CCDC138: variants seen among roughly 807,000 people sequenced by gnomAD.
CCDC138 encodes coiled-coil domain containing 138, also known as coiled-coil domain-containing protein 138.
CCDC138 carries 66 observed loss-of-function variants against 82.3 expected under a neutral mutation model. That is an observed-to-expected ratio of 0.80 (90% CI 0.66 to 0.98). The LOEUF (loss-of-function observed/expected upper bound fraction) is 0.98, where lower values mean the gene tolerates loss of function less well. Ranked by LOEUF, CCDC138 falls within the 50% of genes least tolerant of loss-of-function variation. The pLI, the probability that CCDC138 is intolerant of heterozygous loss-of-function variation, is 0.00. For synonymous variants in CCDC138, 297 were observed against 265.4 expected (o/e 1.12, Z -1.16); for missense variants, 816 against 758.9 (o/e 1.08, Z -0.88).
intron 2 of CCDC138, 80 bp from the exon 3 acceptor site, chr2:108,788,772 T>C: frequency 1.3e-6 from 2 of 1,547,574 alleles, no homozygotes; most frequent in Non-Finnish European, 1.7e-6. Context: ...AAAATAGTAT[T>C]ATTTAGACTT....
chr2:108,789,979 G>A (rs1679633778), intron 3 of CCDC138, among the ~76,000 whole-genome samples: 1 of 152,160 alleles, frequency 6.6e-6, no homozygotes, highest in Non-Finnish European at 1.5e-5. Context: ...TGAAATAATT[G>A]TGGAGAGAAA....
intron 11 of CCDC138, 162 bp from the exon 12 acceptor site, chr2:108,846,576 C>G (rs1449654743): frequency 6.1e-6 from 1 of 164,808 alleles, no homozygotes; most frequent in Non-Finnish European, 1.2e-5. Flanking sequence ...TCTTGGGAGG[C>G]TGAGGTAGGA....
intron 3 of CCDC138, among the ~76,000 whole-genome samples, chr2:108,789,973 ATAAT>A (rs1038001797): frequency 2.2e-4 from 34 of 152,248 alleles, no homozygotes; most frequent in African/African-American, 8.0e-4. Context: ...AAATGTTGAA[ATAAT>A]TGTGGAGAGA....
intron 11 of CCDC138, among the ~76,000 whole-genome samples, chr2:108,842,421 G>A (rs936883504): frequency 3.9e-5 from 6 of 152,120 alleles, no homozygotes; most frequent in Admixed American, 6.5e-5. Flanking sequence ...AGGAAGCACA[G>A]GCAGGGAGAG....
In CCDC138 at chr2:108,796,311, C is replaced by T. The variant is rs567288707; in HGVS notation, c.576+1590C>T. ...CCTCGTGATCCGCCCGCCTCTGCCT[C>T]CCAAAGTGCTGGGATTACAGGCGTG... On this transcript the variant is annotated intron_variant, in intron 5 of 14. Transcript: ENST00000295124. Among the ~76,000 whole-genome samples, 5 of 152,234 alleles carry T rather than the reference C, an allele frequency of 3.3e-5. No individual in the cohort carries two copies. In the South Asian group the frequency reaches 1.0e-3, roughly 32 times the overall value.
In CCDC138 at chr2:108,794,643, A is replaced by G. The variant is rs180963183; in HGVS notation, c.498A>G (p.Ala166=). The G allele has an allele frequency of 1.8e-4, 296 of 1,614,166 alleles. No homozygotes were observed. The highest frequency in any genetic ancestry group is 1.1e-3 in the Admixed American group (69 of 60,024). Residue 166 remains alanine, a synonymous_variant, in exon 5 of 15, where the codon GCA becomes GCG. Transcript: ENST00000295124. ...CTGTCAGCTGTCCAAAATCTAAAGCATCAGACAAGCGGAGTTTACTTCCAC... is the reference window on the plus strand; with the variant it reads ...CTGTCAGCTGTCCAAAATCTAAAGCGTCAGACAAGCGGAGTTTACTTCCAC... ...LKPVSCPKSK[A]SDKRSLLPHQ...
At chr2:108,881,452 G>A (rs1696289097), downstream of CCDC138, among the ~76,000 whole-genome samples, 1 of 152,160 alleles carries the variant, frequency 6.6e-6, no homozygotes, top group South Asian at 2.1e-4. Flanking sequence ...AGGCTGCTGT[G>A]TTTTCTTATC....
At chr2:108,879,003 T>C (rs1212293694), downstream of CCDC138, among the ~76,000 whole-genome samples, 1 of 148,608 alleles carries the variant, frequency 6.7e-6, no homozygotes, top group Non-Finnish European at 1.5e-5. Context: ...GATAAAGAAG[T>C]TTAAAAATTA....
At chr2:108,833,045 C>T (rs1297026848) in intron 10 of CCDC138, among the ~76,000 whole-genome samples, 1 of 152,180 alleles carries the variant, frequency 6.6e-6, no homozygotes, top group African/African-American at 2.4e-5. Context: ...ATGATTCCAA[C>T]TATAATGACA....
rs1291586687 is a variant in CCDC138 at position 108,786,830 on chromosome 2, C to T, written c.8C>T (p.Pro3Leu). Residue 3 changes from proline (P) to leucine (L), a missense_variant, in exon 1 of 15, where the codon CCG (proline) becomes CTG (leucine). Physicochemically the swap from Pro to Leu is moderately conservative, Grantham distance 98. Coordinates refer to ENST00000295124, the MANE Select transcript of CCDC138 (RefSeq NM_144978.3). The part of the protein sequence containing the change: ME[P>L]RVVKPPGQDL... ...GTACGGTTGCTGTGTGCTATGGAGC[C>T]GAGGGTCGTCAAGCCACCGGGGCAG... The T allele has an allele frequency of 3.1e-6, 5 of 1,589,990 alleles. No individual in the cohort carries two copies. Among genetic ancestry groups the T allele is most frequent in the Admixed American group, 1.8e-5 (1 of 55,878 alleles).
At chr2:108,798,398 A>T (rs1298929189) in intron 5 of CCDC138, 30 bp from the exon 6 acceptor site, 2 of 1,585,842 alleles carry the variant, frequency 1.3e-6, no homozygotes. Flanking sequence ...TGACTTTTCA[A>T]GAGCATTAAA....
intron 12 of CCDC138, among the ~76,000 whole-genome samples, chr2:108,854,014 T>C (rs1230765372): frequency 5.2e-5 from 6 of 116,344 alleles, no homozygotes; most frequent in African/African-American, 1.0e-4. Context: ...ATATATAATA[T>C]ATAATAAATT....
intron 12 of CCDC138, among the ~76,000 whole-genome samples, chr2:108,847,309 C>G (rs1387760315): frequency 6.6e-6 from 1 of 152,218 alleles, no homozygotes; most frequent in Non-Finnish European, 1.5e-5. Context: ...GAAGTTTTCT[C>G]CCACAACCAT....
chr2:108,854,010 AATATATAATAAATTTATATT>A (rs1558738328), intron 12 of CCDC138, among the ~76,000 whole-genome samples: 2 of 99,442 alleles, frequency 2.0e-5, no homozygotes, highest in Non-Finnish European at 3.9e-5. Flanking sequence ...TATTATATAT[AATATATAATAAATTTATATT>A]ATATATAATA....
intron 10 of CCDC138, among the ~76,000 whole-genome samples, chr2:108,838,329 C>T (rs1446728787): frequency 6.6e-6 from 1 of 152,092 alleles, no homozygotes; most frequent in Non-Finnish European, 1.5e-5. Context: ...GAAAATTTTA[C>T]AAAATACATA....
chr2:108,803,914 T>C (rs1435328127), intron 6 of CCDC138, among the ~76,000 whole-genome samples: 1 of 152,190 alleles, frequency 6.6e-6, no homozygotes, highest in Non-Finnish European at 1.5e-5. Context: ...AATGAAAATA[T>C]TAGTTTTAAA....
chr2:108,873,622 GA>G (rs761585205), intron 14 of CCDC138, 33 bp downstream of exon 14: 1 of 1,447,138 alleles, frequency 6.9e-7, no homozygotes, highest in Non-Finnish European at 9.6e-7. Context: ...ATTTTTTATT[GA>G]AAAATACCTT....
chr2:108,824,913 G>A (rs1430335463), intron 10 of CCDC138, among the ~76,000 whole-genome samples: 3 of 152,162 alleles, frequency 2.0e-5, no homozygotes, highest in Non-Finnish European at 4.4e-5. Flanking sequence ...TCAGTTGACC[G>A]AAATGTTATG....
intron 4 of CCDC138, among the ~76,000 whole-genome samples, chr2:108,793,888 C>T (rs571006333): frequency 5.9e-4 from 89 of 152,096 alleles, no homozygotes; most frequent in African/African-American, 2.0e-3. Context: ...AGGCGTGAGC[C>T]ACCGCGCCCT....
Sources: allele counts gnomAD v4.1 joint callset (sites outside exome capture counted in the v4.1 genomes callset), GRCh38; gene constraint gnomAD v4.1.1; transcripts MANE v1.5; gene names NCBI Gene and HGNC (gene_info 2026-07-23, HGNC 2026-07-21).